The following ITGAV variants were observed in gnomAD, a reference collection of about 807,000 sequenced individuals.
ITGAV encodes integrin subunit alpha V.
ITGAV carries 76 observed loss-of-function variants against 143.8 expected under a neutral mutation model. That is an observed-to-expected ratio of 0.53 (90% CI 0.44 to 0.64). The LOEUF (loss-of-function observed/expected upper bound fraction) is 0.64, where lower values mean the gene tolerates loss of function less well. Ranked by LOEUF, ITGAV falls within the 30% of genes least tolerant of loss-of-function variation. The probability of loss-of-function intolerance (pLI) is 0.00; values close to 1 mark genes in which losing one functional copy is unlikely to be tolerated. For synonymous variants in ITGAV, 453 were observed against 446.7 expected (o/e 1.01, Z -0.18); for missense variants, 1,193 against 1,274.7 (o/e 0.94, Z 0.98).
intron 29 of ITGAV, 73 bp downstream of exon 29, chr2:186,677,008 A>C: frequency 1.3e-6 from 2 of 1,500,668 alleles, no homozygotes; most frequent in Non-Finnish European, 1.8e-6. Context: ...GAAAAGAAGA[A>C]TGAAAAGTAA....
chr2:186,662,882 A>G (rs1688786101), intron 18 of ITGAV, among the ~76,000 whole-genome samples: 1 of 152,044 alleles, frequency 6.6e-6, no homozygotes, highest in African/African-American at 2.4e-5. Flanking sequence ...AAAGGACTCT[A>G]TCTTTCTTTT....
chr2:186,646,869 G>A lies in ITGAV; in HGVS notation c.1343G>A (p.Gly448Glu). 1.3e-6 allele frequency: 2 copies of A among 1,580,578 alleles called. No homozygotes were observed. Among genetic ancestry groups the A allele is most frequent in the Non-Finnish European group, 1.7e-6 (2 of 1,157,664 alleles). ...MKGATDIDKN[G>E]YPDLIVGAFG... ...GGAGCCACAGATATAGACAAAAATG[G>A]ATATCCAGGTGCTTTCTTATCAACA... The change falls in exon 13 of 30, where the codon GGA (glycine) becomes GAA (glutamate). Residue 448 changes from glycine to glutamate, a missense_variant. Gly to Glu is a moderately conservative substitution (Grantham distance 98). Transcript: ENST00000261023.
chr2:186,590,108 G>A lies in ITGAV; in HGVS notation c.-231G>A. The A allele has an allele frequency of 2.4e-6, 1 of 412,774 alleles. No individual in the cohort carries two copies. The highest frequency in any genetic ancestry group is 4.2e-6 in the Non-Finnish European group (1 of 237,818). The allele number at this position is 412,774 out of a possible 1,614,324, so 25.6% of individuals were successfully genotyped here. A position where few individuals can be genotyped will look rare whatever the true frequency, so the allele number is the denominator to read the frequency against. On this transcript the variant is annotated 5_prime_UTR_variant, in exon 1 of 30. Transcript: ENST00000261023. ...GCGGCGGAGCCGGAGGGAAGCAAAG[G>A]ACCGTCTGCGCTGCTGTCCCCGCCC...
In ITGAV at chr2:186,667,699, C is replaced by A; in HGVS notation, c.2356C>A (p.Pro786Thr). The A allele has an allele frequency of 6.2e-7, 1 of 1,609,792 alleles. No homozygotes were observed. Among genetic ancestry groups the A allele is most frequent in the Non-Finnish European group, 8.5e-7 (1 of 1,176,870 alleles). ...GVSSPDHVFL[P>T]IPNWEHKENP... The stretch of plus-strand genomic sequence containing the variant: ...CTCGAGTCCTGATCATGTCTTTCTT[C>A]CGATTCCAAACTGGGAGCACAAGGA... The change falls in exon 24 of 30, where the codon CCG (proline) becomes ACG (threonine). Residue 786 changes from proline (P) to threonine (T), a missense_variant. Transcript: ENST00000261023.
chr2:186,609,415 T>G (rs565000687), intron 2 of ITGAV, among the ~76,000 whole-genome samples: 1 of 152,246 alleles, frequency 6.6e-6, no homozygotes, highest in African/African-American at 2.4e-5. Flanking sequence ...TTTCTTAGCT[T>G]TTAAAGAAGA....
chr2:186,666,532 A>G (rs1446630754), intron 21 of ITGAV, among the ~76,000 whole-genome samples, 172 bp from the exon 22 acceptor site: 2 of 152,230 alleles, frequency 1.3e-5, no homozygotes, highest in African/African-American at 4.8e-5. Context: ...TGGTCCAGGT[A>G]TATTAAGTAA....
At chr2:186,629,644 T>C (rs981852097) in intron 4 of ITGAV, among the ~76,000 whole-genome samples, 2 of 152,000 alleles carry the variant, frequency 1.3e-5, no homozygotes, top group African/African-American at 4.8e-5. Flanking sequence ...GCTTTAAAAA[T>C]GGGTTCAAAA....
intron 1 of ITGAV, among the ~76,000 whole-genome samples, chr2:186,594,569 T>G (rs1022448317): frequency 2.6e-5 from 4 of 152,210 alleles, no homozygotes; most frequent in African/African-American, 9.6e-5. Context: ...CAGAACATCT[T>G]GTCTGTTTCT....
At chr2:186,664,739 T>C in intron 20 of ITGAV, 98 bp downstream of exon 20, 1 of 1,438,386 alleles carries the variant, frequency 7.0e-7, no homozygotes, top group Non-Finnish European at 9.7e-7. Flanking sequence ...GCTTAGCTAT[T>C]CTACCTAAGG....
At chr2:186,619,920 A>G (rs1687476203) in intron 2 of ITGAV, among the ~76,000 whole-genome samples, 1 of 151,952 alleles carries the variant, frequency 6.6e-6, no homozygotes, top group African/African-American at 2.4e-5. Flanking sequence ...TGAACTCGGG[A>G]GGTGGAGGTT....
rs1688671566 is a variant in ITGAV, at chr2:186,659,137, A to G, written c.1819A>G (p.Ile607Val). The part of the protein sequence containing the change: ...TAADTTGLQP[I>V]LNQFTPANIS... ...TGCTGATACAACAGGCTTGCAACCC[A>G]TTCTTAACCAGTTCACGCCTGCTAA... Residue 607 changes from isoleucine to valine, a missense_variant, in exon 18 of 30, where the codon ATT becomes GTT. Ile to Val is a conservative substitution (Grantham distance 29). Transcript: ENST00000261023. The G allele has an allele frequency of 6.2e-7, 1 of 1,612,978 alleles. No individual in the cohort carries two copies. Among genetic ancestry groups the G allele is most frequent in the Non-Finnish European group, 8.5e-7 (1 of 1,179,296 alleles).
chr2:186,676,069 G>C, intron 28 of ITGAV, 142 bp downstream of exon 28: 1 of 600,740 alleles, frequency 1.7e-6, no homozygotes, highest in Non-Finnish European at 3.0e-6. Context: ...TTATAACCTA[G>C]TTTAATATTA....
chr2:186,678,833 G>A lies in ITGAV; in HGVS notation c.*1541G>A, dbSNP rs200017755. On this transcript the variant is annotated 3_prime_UTR_variant, in exon 30 of 30. Coordinates refer to ENST00000261023, the MANE Select transcript of ITGAV (RefSeq NM_002210.5). ...TGATAAATATTTCCCTTAAATAATT[G>A]ACTATTTTGCTGTGTTTTAAAAATG... 8 of 423,228 alleles carry A rather than the reference G, an allele frequency of 1.9e-5. No homozygotes were observed. Among genetic ancestry groups the A allele is most frequent in the Non-Finnish European group, 3.3e-5 (7 of 214,380 alleles). 26.2% of individuals were successfully genotyped at this position (423,228 alleles called of 1,614,324 possible). A position where few individuals can be genotyped will look rare whatever the true frequency, so the allele number is the denominator to read the frequency against.
At chr2:186,605,189 A>T (rs1687026000) in intron 2 of ITGAV, among the ~76,000 whole-genome samples, 1 of 152,154 alleles carries the variant, frequency 6.6e-6, no homozygotes, top group African/African-American at 2.4e-5. Context: ...ACGTGACAGG[A>T]GCTGTGGCTT....
intron 13 of ITGAV, among the ~76,000 whole-genome samples, chr2:186,649,367 G>A (rs1156790638): frequency 1.3e-5 from 2 of 151,120 alleles, no homozygotes; most frequent in East Asian, 1.9e-4. Context: ...TTTCTGAATC[G>A]TGAACCAGTT....
In ITGAV at chr2:186,654,684, A is replaced by G; in HGVS notation, c.1540A>G (p.Lys514Glu). 1 of 1,556,944 alleles carries G rather than the reference A, an allele frequency of 6.4e-7. No individual in the cohort carries two copies. The highest frequency in any genetic ancestry group is 8.8e-7 in the Non-Finnish European group (1 of 1,131,710). ...NVRFCLKADG[K>E]GVLPRKLNFQ... ...TAGGTTCTGCTTAAAGGCAGATGGCAAAGGAGTACTTCCCAGGAAACTTAG... is the reference window on the plus strand; with the variant it reads ...TAGGTTCTGCTTAAAGGCAGATGGCGAAGGAGTACTTCCCAGGAAACTTAG... Residue 514 changes from lysine to glutamate, a missense_variant, in exon 16 of 30, where the codon AAA (lysine) becomes GAA (glutamate). Lys to Glu is a moderately conservative substitution (Grantham distance 56). Transcript: ENST00000261023.
rs1688939823 is a variant in ITGAV at position 186,667,734 on chromosome 2, G to A, written c.2391G>A (p.Glu797=). The change falls in exon 24 of 30, where the codon GAG becomes GAA. Residue 797 remains glutamate, a synonymous_variant. Transcript: ENST00000261023. ...IPNWEHKENP[E]TEEDVGPVVQ... Reference sequence around the variant, plus strand: ...ACTGGGAGCACAAGGAGAACCCTGAGACTGAAGAAGATGTTGGGCCAGTTG... The same window carrying A: ...ACTGGGAGCACAAGGAGAACCCTGAAACTGAAGAAGATGTTGGGCCAGTTG... The A allele has an allele frequency of 6.2e-7, 1 of 1,611,052 alleles. No individual in the cohort carries two copies. Among genetic ancestry groups the A allele is most frequent in the Non-Finnish European group, 8.5e-7 (1 of 1,178,030 alleles).
At chr2:186,646,515 A>G (rs1477033572) in intron 12 of ITGAV, among the ~76,000 whole-genome samples, 171 bp from the exon 13 acceptor site, 1 of 152,188 alleles carries the variant, frequency 6.6e-6, no homozygotes, top group Non-Finnish European at 1.5e-5. Flanking sequence ...ATCATGATGA[A>G]TGGGTTCTAT....
Position 186,635,911 on chromosome 2 carries a change from G to A in ITGAV, c.632-171G>A, listed in dbSNP as rs138081971. ...CTGGCTTAAACAGAAATAATTTTAA[G>A]TTAAGAATATCCATTTTCAAATTGA... On this transcript the variant is annotated intron_variant, in intron 6 of 29. Transcript: ENST00000261023. Among the ~76,000 whole-genome samples the A allele has an allele frequency of 2.5e-3, 388 of 152,274 alleles. 3 individuals carry two copies. The highest frequency in any genetic ancestry group is 8.5e-3 in the African/African-American group (352 of 41,560).
Sources: gnomAD v4.1 joint callset for allele counts (sites outside exome capture counted in the v4.1 genomes callset) on GRCh38, gnomAD v4.1.1 for gene constraint, MANE v1.5 for transcripts, NCBI Gene and HGNC (gene_info 2026-07-23, HGNC 2026-07-21) for gene names.